CACNA1E: variants seen among roughly 807,000 people sequenced by gnomAD.
The protein encoded by CACNA1E is voltage-dependent R-type calcium channel subunit alpha-1E.
Under a neutral mutation model 259.2 loss-of-function variants are expected in CACNA1E, and 40 were observed. The observed-to-expected ratio is 0.15, with a 90% CI of 0.12 to 0.20. CACNA1E has a LOEUF of 0.20. CACNA1E is among the 10% of genes least tolerant of loss of function. The pLI is 1.00. For synonymous variants in CACNA1E, 1,104 were observed against 1,138.5 expected, an observed-to-expected ratio of 0.97 and a Z score of 0.61; for missense variants, 1,874 against 3,040.1, an observed-to-expected ratio of 0.62 and a Z score of 9.02.
intron 3 of CACNA1E, among the ~76,000 whole-genome samples, chr1:181,517,435 G>C (rs1478329012): frequency 6.6e-6 from 1 of 152,066 alleles, no homozygotes; most frequent in East Asian, 1.9e-4. Flanking sequence ...GGAAGGCTTT[G>C]AGCAGGGGGT....
At chr1:181,445,947 C>T (rs581582) in intron 2 of CACNA1E, among the ~76,000 whole-genome samples, 7,334 of 152,274 alleles carry the variant, frequency 0.048, 228 homozygotes, top group African/African-American at 0.079. Flanking sequence ...ACACTGGGCA[C>T]CCCAGCACTT....
rs1662489448 is a variant in CACNA1E, at chr1:181,804,404, T to G, written c.*5570T>G. ...GTCTAAATTGGCCTCTGTCTTTTCC[T>G]AAGGACTTAAAATATAACCCAAATT... On this transcript the variant is annotated 3_prime_UTR_variant, in exon 48 of 48. Coordinates refer to ENST00000367573, the MANE Select transcript of CACNA1E (RefSeq NM_001205293.3). The G allele has an allele frequency of 6.6e-6, 1 of 152,192 alleles. No homozygotes were observed. 9.4% of individuals were successfully genotyped at this position (152,192 alleles called of 1,614,324 possible).
In CACNA1E at chr1:181,698,679, G is replaced by A. The variant is rs538493343; in HGVS notation, c.1056-12275G>A. ...GCCCTAGGCACTGGAGTCCATGACA[G>A]GCCAGCCATCTAGTAAGAAAATGTC... On this transcript the variant is annotated intron_variant, in intron 7 of 47. Transcript: ENST00000367573. Among the ~76,000 whole-genome samples, 4 of 152,102 alleles carry A rather than the reference G, an allele frequency of 2.6e-5. No individual in the cohort carries two copies. In the East Asian group the frequency reaches 7.7e-4, roughly 29 times the overall value.
intron 1 of CACNA1E, among the ~76,000 whole-genome samples, chr1:181,326,814 C>G (rs2609486): frequency 0.049 from 7,470 of 152,254 alleles, 605 homozygotes; most frequent in African/African-American, 0.17. Context: ...CTCACATGGC[C>G]TCTTTCAGCA....
At chr1:181,638,559 G>A (rs1657448057) in intron 6 of CACNA1E, among the ~76,000 whole-genome samples, 1 of 152,148 alleles carries the variant, frequency 6.6e-6, no homozygotes. Context: ...CACATCCCCT[G>A]TGCCTTCTGA....
In CACNA1E at chr1:181,429,704, C is replaced by T. The variant is rs567710290; in HGVS notation, c.434+16124C>T. Among the ~76,000 whole-genome samples the T allele has an allele frequency of 3.3e-5, 5 of 152,280 alleles. 1 individual carries two copies. The South Asian group carries it at 6.2e-4, about 19-fold the overall frequency. ...TGTCCTGCTTCCCCCAGGCTGTGGCCGGGAAGACAGAACAGCCATTTACAC... is the reference window on the plus strand; with the variant it reads ...TGTCCTGCTTCCCCCAGGCTGTGGCTGGGAAGACAGAACAGCCATTTACAC... On this transcript the variant is annotated intron_variant, in intron 2 of 11. Transcript: ENST00000524607.
intron 21 of CACNA1E, among the ~76,000 whole-genome samples, chr1:181,734,846 C>T (rs1655885282): frequency 6.6e-6 from 1 of 150,522 alleles, no homozygotes; most frequent in Non-Finnish European, 1.5e-5. Flanking sequence ...CACACCCCAT[C>T]CCTGCGCTGA....
At chr1:181,332,173 A>G (rs1253678743) in intron 1 of CACNA1E, among the ~76,000 whole-genome samples, 1 of 152,208 alleles carries the variant, frequency 6.6e-6, no homozygotes, top group Non-Finnish European at 1.5e-5. Context: ...ATGAGAACAC[A>G]TGGACACATT....
At chr1:181,467,460 TC>T (rs1662218571) in intron 2 of CACNA1E, among the ~76,000 whole-genome samples, 1 of 152,172 alleles carries the variant, frequency 6.6e-6, no homozygotes, top group African/African-American at 2.4e-5. Context: ...ATCCAAAGTG[TC>T]AGGAGAAATC....
intron 1 of CACNA1E, among the ~76,000 whole-genome samples, chr1:181,486,511 G>A (rs1450955027): frequency 6.6e-6 from 1 of 152,148 alleles, no homozygotes; most frequent in Non-Finnish European, 1.5e-5. Flanking sequence ...AACTTCCCAA[G>A]TATCTTGCTT....
intron 3 of CACNA1E, among the ~76,000 whole-genome samples, chr1:181,556,246 T>A (rs1236259188): frequency 1.3e-5 from 2 of 152,152 alleles, no homozygotes; most frequent in Non-Finnish European, 2.9e-5. Context: ...CTGGTCCCTC[T>A]GGGGTGGATG....
intron 3 of CACNA1E, among the ~76,000 whole-genome samples, chr1:181,569,926 T>C (rs575421736): frequency 2.8e-4 from 43 of 152,272 alleles, no homozygotes; most frequent in Middle Eastern, 3.4e-3. Context: ...AAGAACTGTA[T>C]GTAATTGGGA....
At chr1:181,646,051 T>C (rs190564383) in intron 6 of CACNA1E, among the ~76,000 whole-genome samples, 51 of 152,318 alleles carry the variant, frequency 3.3e-4, no homozygotes, top group African/African-American at 1.2e-3. Flanking sequence ...CTCACTGCTC[T>C]GTGAATTTTC....
chr1:181,751,438 G>A (rs1422399114), intron 26 of CACNA1E, among the ~76,000 whole-genome samples: 2 of 152,194 alleles, frequency 1.3e-5, no homozygotes, highest in African/African-American at 2.4e-5. Context: ...ATCTGCAATG[G>A]AAGGGACTGC....
chr1:181,705,646 G>A (rs1558287032), intron 7 of CACNA1E, among the ~76,000 whole-genome samples: 1 of 152,220 alleles, frequency 6.6e-6, no homozygotes, highest in Non-Finnish European at 1.5e-5. Flanking sequence ...CAGGTTTGGG[G>A]CTGGAGGAGC....
chr1:181,513,557 G>A (rs185676261), intron 3 of CACNA1E, among the ~76,000 whole-genome samples: 9 of 152,304 alleles, frequency 5.9e-5, no homozygotes, highest in Non-Finnish European at 1.3e-4. Context: ...GGTTGAAGAA[G>A]TACTTCTGGA....
At chr1:181,427,383 T>TCCTCA (rs1659367394) in intron 2 of CACNA1E, among the ~76,000 whole-genome samples, 1 of 81,160 alleles carries the variant, frequency 1.2e-5, no homozygotes, top group Non-Finnish European at 2.4e-5. Context: ...TCTTAACCCC[T>TCCTCA]CCTCACCTCA....
At chr1:181,778,467 C>A (rs1660145299) in intron 38 of CACNA1E, among the ~76,000 whole-genome samples, 1 of 152,174 alleles carries the variant, frequency 6.6e-6, no homozygotes, top group Admixed American at 6.5e-5. Flanking sequence ...CAGTTGCAAG[C>A]AAGGACTGAA....
chr1:181,351,859 A>G (rs1243442214), intron 1 of CACNA1E, among the ~76,000 whole-genome samples: 1 of 152,242 alleles, frequency 6.6e-6, no homozygotes. Context: ...GACGCCTGCA[A>G]TGTCTCTTTT....
Sources: allele counts gnomAD v4.1 joint callset (sites outside exome capture counted in the v4.1 genomes callset), GRCh38; gene constraint gnomAD v4.1.1; transcripts MANE v1.5; gene names NCBI Gene and HGNC (gene_info 2026-07-23, HGNC 2026-07-21).